Variants in NOTCH3 observed in about 807,000 individuals in gnomAD.
NOTCH3 encodes the protein notch receptor 3, also known as neurogenic locus notch homolog protein 3.
Under a neutral mutation model 213.3 loss-of-function variants are expected in NOTCH3, and 86 were observed. The ratio of observed to expected loss-of-function variants is 0.40; its 90% CI spans 0.34 to 0.48. NOTCH3 has a LOEUF of 0.48. NOTCH3 is among the 20% of genes least tolerant of loss of function. NOTCH3 has a pLI of 0.57. For missense variants in NOTCH3, 2,783 were observed against 3,272.6 expected, an observed-to-expected ratio of 0.85 and a Z score of 3.65; for synonymous variants, 1,354 against 1,355.9, an observed-to-expected ratio of 1.00 and a Z score of 0.03.
At position 15,174,404 on chromosome 19, in the gene NOTCH3, GT is replaced by G; in HGVS notation, c.4404-5del. ...GCAGTACTTCTCGTACACCGGGCTGGTGGGGAAGGGTGAGGCAGAGAGGGGC... is the reference window on the plus strand; with the variant it reads ...GCAGTACTTCTCGTACACCGGGCTGGGGGGAAGGGTGAGGCAGAGAGGGGC... On this transcript the variant is annotated splice_polypyrimidine_tract_variant and splice_region_variant and intron_variant, in intron 24 of 32. Transcript: ENST00000263388. The G allele has an allele frequency of 6.6e-7, 1 of 1,514,490 alleles. No homozygotes were observed. Among genetic ancestry groups the G allele is most frequent in the Non-Finnish European group, 8.9e-7 (1 of 1,125,180 alleles). 93.8% of individuals were successfully genotyped at this position (1,514,490 alleles called of 1,614,324 possible).
intron 16 of NOTCH3, among the ~76,000 whole-genome samples, chr19:15,182,212 GA>G (rs375188451): frequency 2.3e-4 from 35 of 149,440 alleles, no homozygotes; most frequent in African/African-American, 6.1e-4. Flanking sequence ...GACTTGGTAT[GA>G]AAAAAAAAAT....
intron 29 of NOTCH3, 90 bp from the exon 30 acceptor site, chr19:15,166,181 G>GGT: frequency 8.6e-7 from 1 of 1,157,122 alleles, no homozygotes. Context: ...GAGCTAATGG[G>GGT]ACACATGGAA....
chr19:15,190,297 A>G (rs1460834081), intron 6 of NOTCH3, among the ~76,000 whole-genome samples: 2 of 152,146 alleles, frequency 1.3e-5, no homozygotes, highest in Non-Finnish European at 2.9e-5. Flanking sequence ...AATAAATTGC[A>G]AACATCCACA....
At chr19:15,190,557 C>A (rs62113818) in intron 6 of NOTCH3, among the ~76,000 whole-genome samples, 1 of 151,992 alleles carries the variant, frequency 6.6e-6, no homozygotes, top group Non-Finnish European at 1.5e-5. Context: ...TACACTTCCC[C>A]ACTAAAGCTG....
Position 15,174,393 on chromosome 19 carries a change from A to T in NOTCH3, c.4411T>A (p.Tyr1471Asn), listed in dbSNP as rs1474488513. The T allele has an allele frequency of 6.6e-7, 1 of 1,525,024 alleles. No individual in the cohort carries two copies. Among genetic ancestry groups the T allele is most frequent in the Non-Finnish European group, 8.8e-7 (1 of 1,130,468 alleles). 94.5% of individuals were successfully genotyped at this position (1,525,024 alleles called of 1,614,324 possible). ...GGRERTCNPV[Y>N]EKYCADHFAD... The stretch of plus-strand genomic sequence containing the variant: ...AAGTGGTCGGCGCAGTACTTCTCGT[A>T]CACCGGGCTGGTGGGGAAGGGTGAG... Residue 1471 changes from tyrosine to asparagine, a missense_variant, in exon 25 of 33, where the codon TAC becomes AAC. Coordinates refer to ENST00000263388, the MANE Select transcript of NOTCH3 (RefSeq NM_000435.3).
intron 20 of NOTCH3, 112 bp from the exon 21 acceptor site, chr19:15,179,608 A>AC (rs2046822618): frequency 6.0e-6 from 7 of 1,170,656 alleles, no homozygotes; most frequent in Non-Finnish European, 7.4e-6. Context: ...ACAGATGTTC[A>AC]GCGCACTACC....
intron 10 of NOTCH3, among the ~76,000 whole-genome samples, chr19:15,187,632 C>A (rs1455515745): frequency 6.6e-6 from 1 of 152,182 alleles, no homozygotes; most frequent in Non-Finnish European, 1.5e-5. Flanking sequence ...GAGCACATGG[C>A]AGGTGCCAGG....
rs2046828313 is a variant in NOTCH3 at position 15,180,239 on chromosome 19, G to A, written c.3160C>T (p.Leu1054=). ...AAQIGVRLEQ[L]CQAGGQCVDE... The stretch of plus-strand genomic sequence containing the variant: ...ACACACTGCCCACCCGCCTGACACA[G>A]CTGCTCCAGCCGCACCCCTGCAAAG... Residue 1054 remains leucine (L), a synonymous_variant, in exon 20 of 33, where the codon CTG becomes TTG. Coordinates refer to ENST00000263388, the MANE Select transcript of NOTCH3 (RefSeq NM_000435.3). 6.2e-7 allele frequency: 1 copy of A among 1,613,620 alleles called. No homozygotes were observed. Among genetic ancestry groups the A allele is most frequent in the Non-Finnish European group, 8.5e-7 (1 of 1,180,002 alleles).
intron 1 of NOTCH3, among the ~76,000 whole-genome samples, chr19:15,198,572 G>C (rs555704788): frequency 6.6e-6 from 1 of 152,276 alleles, no homozygotes; most frequent in South Asian, 2.1e-4. Context: ...CCAACACAGT[G>C]AAACCCAGTC....
intron 31 of NOTCH3, among the ~76,000 whole-genome samples, chr19:15,164,884 G>A (rs1320470782): frequency 6.6e-6 from 1 of 151,726 alleles, no homozygotes; most frequent in East Asian, 1.9e-4. Flanking sequence ...GGGCTCAAAC[G>A]ACCCTCCCAC....
In NOTCH3 at chr19:15,170,778, G is replaced by A. The variant is rs779705754; in HGVS notation, c.4784C>T (p.Pro1595Leu). 3.1e-6 allele frequency: 5 copies of A among 1,613,252 alleles called. No homozygotes were observed. ...EIDNRLCLQS[P>L]ENDHCFPDAQ... Reference sequence around the variant, plus strand: ...ATCGGGGAAGCAGTGATCATTCTCAGGCGACTGCAGGCAGAGCCGGTTGTC... The same window carrying A: ...ATCGGGGAAGCAGTGATCATTCTCAAGCGACTGCAGGCAGAGCCGGTTGTC... The change falls in exon 26 of 33, where the codon CCT (proline) becomes CTT (leucine). Residue 1595 changes from proline (P) to leucine (L), a missense_variant. Pro to Leu is a moderately conservative substitution (Grantham distance 98). Around this residue, in one of 6 missense-constraint regions of NOTCH3, gnomAD observed 636 missense variants for 801.8 expected, o/e 0.79. Coordinates refer to ENST00000263388, the MANE Select transcript of NOTCH3 (RefSeq NM_000435.3).
rs192034258 is a variant in NOTCH3, at chr19:15,191,280, G to A, written c.1036+144C>T. The A allele has an allele frequency of 3.7e-4, 285 of 773,160 alleles. 1 individual carries two copies. In the African/African-American group the frequency reaches 4.1e-3, roughly 11 times the overall value. The allele number at this position is 773,160 out of a possible 1,614,324, so 47.9% of individuals were successfully genotyped here. A position where few individuals can be genotyped will look rare whatever the true frequency, so the allele number is the denominator to read the frequency against. ...AACTCCTGACCCCAGTGATCCGCCCGCCTGGGCCTCCCAAAGTGCTATGAT... is the reference window on the plus strand; with the variant it reads ...AACTCCTGACCCCAGTGATCCGCCCACCTGGGCCTCCCAAAGTGCTATGAT... On this transcript the variant is annotated intron_variant, in intron 6 of 32. Transcript: ENST00000263388.
rs755227083 is a variant in NOTCH3 at position 15,161,532 on chromosome 19, G to A, written c.6096C>T (p.Ser2032=). The stretch of plus-strand genomic sequence containing the variant: ...GCCCCAGGCCGTGGGGACCGGGGGG[G>A]CTGCGGGGCCCACTGGGTTGATCCA... ...RLLDQPSGPR[S]PPGPHGLGPL... is the part of the protein sequence containing the mutation. Residue 2032 remains serine, a synonymous_variant, in exon 33 of 33, where the codon AGC becomes AGT. Coordinates refer to ENST00000263388, the MANE Select transcript of NOTCH3 (RefSeq NM_000435.3). 9 of 1,602,758 alleles carry A rather than the reference G, an allele frequency of 5.6e-6. No homozygotes were observed. In the South Asian group the frequency reaches 5.6e-5, roughly 10 times the overall value.
chr19:15,167,120 C>T (rs1305479556), intron 29 of NOTCH3, 129 bp downstream of exon 29: 3 of 970,280 alleles, frequency 3.1e-6, no homozygotes, highest in East Asian at 4.8e-5. Context: ...AAGAGTGTTG[C>T]TGAATACACA....
Position 15,192,009 on chromosome 19 carries a change from G to A in NOTCH3, c.630C>T (p.Gly210=). 6.2e-7 allele frequency: 1 copy of A among 1,613,196 alleles called. No individual in the cohort carries two copies. Among genetic ancestry groups the A allele is most frequent in the Non-Finnish European group, 8.5e-7 (1 of 1,179,958 alleles). Residue 210 remains glycine (G), a synonymous_variant, in exon 4 of 33, where the codon GGC becomes GGT. Transcript: ENST00000263388. The part of the protein sequence containing the change: ...PCAPSPCRNG[G]TCRQSGDLTY... ...TGAGGTCGCCACTCTGCCTGCAGGT[G>A]CCCCCGTTACGGCATGGTGAGGGTG... is the stretch of plus-strand genomic sequence containing the variant.
rs764430402 is a variant in NOTCH3 at position 15,167,384 on chromosome 19, C to T, written c.5227G>A (p.Glu1743Lys). The change falls in exon 29 of 33, where the codon GAG becomes AAG. Residue 1743 changes from glutamate (E) to lysine (K), a missense_variant. Glu to Lys is a moderately conservative substitution (Grantham distance 56). Transcript: ENST00000263388. ...KVEEPGMGAE[E>K]AVDCRQWTQH... ...GTCCACTGACGGCAATCCACAGCCT[C>T]CTCAGCCCCCATGCCTGGCTCCTCT... 2 of 1,608,786 alleles carry T rather than the reference C, an allele frequency of 1.2e-6. No homozygotes were observed. Among genetic ancestry groups the T allele is most frequent in the Non-Finnish European group, 1.7e-6 (2 of 1,180,010 alleles).
chr19:15,178,853 A>G lies in NOTCH3; in HGVS notation c.3807T>C (p.Gly1269=). 1 of 1,602,462 alleles carries G rather than the reference A, an allele frequency of 6.2e-7. No homozygotes were observed. The highest frequency in any genetic ancestry group is 1.1e-5 in the South Asian group (1 of 89,280). ...CACAGTGACAGGTGAAGGTCAGCCC[A>G]CCCCCAGGACCCGGGCTAGGACGGC... ...GQCRPSPGPG[G]GLTFTCHCAQ... The change falls in exon 23 of 33, where the codon GGT becomes GGC. Residue 1269 remains glycine, a synonymous_variant. Coordinates refer to ENST00000263388, the MANE Select transcript of NOTCH3 (RefSeq NM_000435.3).
chr19:15,186,690 C>A lies in NOTCH3; in HGVS notation c.1951+188G>T, dbSNP rs537242155. 1.2e-4 allele frequency among the ~76,000 whole-genome samples: 19 copies of A among 152,328 alleles called. 1 individual carries two copies. In the South Asian group the frequency reaches 3.9e-3, roughly 32 times the overall value. On this transcript the variant is annotated intron_variant, in intron 12 of 32. Coordinates refer to ENST00000263388, the MANE Select transcript of NOTCH3 (RefSeq NM_000435.3). The stretch of plus-strand genomic sequence containing the variant: ...AGAGCGCTGGGATTACAGGCGTGAG[C>A]CACCGCGCCCAGCCTGCAGAATAAT...
Position 15,181,128 on chromosome 19 carries a change from C to A in NOTCH3, c.2827G>T (p.Val943Leu), listed in dbSNP as rs764894150. 3.7e-6 allele frequency: 6 copies of A among 1,607,402 alleles called. No individual in the cohort carries two copies. In the African/African-American group the frequency reaches 8.0e-5, roughly 21 times the overall value. ...CGGCACAGGCAGCTGAACGAGTTCA[C>A]GCCGTCCACACAGGTCCCGCCATTG... ...CFNGGTCVDG[V>L]NSFSCLCRPG... Residue 943 changes from valine (V) to leucine (L), a missense_variant, in exon 18 of 33, where the codon GTG (valine) becomes TTG (leucine). Val to Leu is a conservative substitution (Grantham distance 32). Coordinates refer to ENST00000263388, the MANE Select transcript of NOTCH3 (RefSeq NM_000435.3).
Sources: gnomAD v4.1 joint callset for allele counts (sites outside exome capture counted in the v4.1 genomes callset) on GRCh38, gnomAD v4.1.1 for gene constraint, gnomAD v4.1.1 regional missense constraint, MANE v1.5 for transcripts, NCBI Gene and HGNC (gene_info 2026-07-23, HGNC 2026-07-21) for gene names.